Variants in IQGAP2 observed in about 807,000 individuals in gnomAD.
IQGAP2 encodes ras GTPase-activating-like protein IQGAP2.
Under a neutral mutation model 201.3 loss-of-function variants are expected in IQGAP2, and 173 were observed. The ratio of observed to expected loss-of-function variants is 0.86; its 90% confidence interval spans 0.76 to 0.98. The LOEUF (loss-of-function observed/expected upper bound fraction) is 0.98. Among genes scored for constraint, IQGAP2 ranks in the 50% least tolerant of loss-of-function variants. The pLI, the probability that IQGAP2 is intolerant of heterozygous loss-of-function variation, is 0.00. For missense variants in IQGAP2, 1,687 were observed against 1,864.8 expected (o/e 0.90, Z 1.76); for synonymous variants, 675 against 673.9 (o/e 1.00, Z -0.03).
chr5:76,590,299 A>C (rs1746555727), intron 7 of IQGAP2, 109 bp from the exon 8 acceptor site: 1 of 819,086 alleles, frequency 1.2e-6, no homozygotes, highest in African/African-American at 1.7e-5. Flanking sequence ...TATTTACTGG[A>C]AGCCAAGAAA....
chr5:76,581,274 C>T (rs1745832502), intron 5 of IQGAP2, among the ~76,000 whole-genome samples: 2 of 152,218 alleles, frequency 1.3e-5, no homozygotes, highest in Non-Finnish European at 2.9e-5. Flanking sequence ...CCTTTTCCTT[C>T]CCTAAGAAAC....
At chr5:76,484,611 C>G (rs1755999253) in intron 2 of IQGAP2, among the ~76,000 whole-genome samples, 1 of 151,960 alleles carries the variant, frequency 6.6e-6, no homozygotes, top group South Asian at 2.1e-4. Context: ...ATGTAACAAA[C>G]CTGCACGTTG....
Position 76,641,108 on chromosome 5 carries a change from G to A in IQGAP2, c.2094+5G>A, listed in dbSNP as rs771375674. The A allele has an allele frequency of 2.7e-5, 43 of 1,587,788 alleles. No homozygotes were observed. The highest frequency in any genetic ancestry group is 2.1e-5 in the Non-Finnish European group (24 of 1,159,794). On this transcript the variant is annotated splice_donor_5th_base_variant and intron_variant, in intron 17 of 35. Coordinates refer to ENST00000274364, the MANE Select transcript of IQGAP2 (RefSeq NM_006633.5). ...GAGAATGTGGTCAAAATACAGGTAT[G>A]TGGATCACCTGCCACTGTTTACACA...
chr5:76,706,370 CAG>C (rs751915305), intron 35 of IQGAP2, among the ~76,000 whole-genome samples: 7 of 151,830 alleles, frequency 4.6e-5, no homozygotes, highest in South Asian at 4.2e-4. Context: ...TTTTTTGAGA[CAG>C]AGTCTTTCTC....
At chr5:76,469,595 G>T (rs1754995758) in intron 2 of IQGAP2, among the ~76,000 whole-genome samples, 1 of 152,062 alleles carries the variant, frequency 6.6e-6, no homozygotes. Flanking sequence ...GTAGAGACAG[G>T]ATCTCACCAT....
At chr5:76,701,435 AAT>A (rs1304821660) in intron 34 of IQGAP2, among the ~76,000 whole-genome samples, 3 of 152,232 alleles carry the variant, frequency 2.0e-5, no homozygotes, top group Admixed American at 2.0e-4. Flanking sequence ...TGGCTTGTGC[AAT>A]ATGTTTGGAT....
intron 2 of IQGAP2, among the ~76,000 whole-genome samples, chr5:76,551,479 G>A (rs376725013): frequency 4.1e-4 from 63 of 152,148 alleles, no homozygotes; most frequent in African/African-American, 1.5e-3. Context: ...CTGCAATCTC[G>A]GCACTTTGGG....
intron 8 of IQGAP2, among the ~76,000 whole-genome samples, chr5:76,590,982 A>G (rs1333278456): frequency 1.3e-5 from 2 of 152,112 alleles, no homozygotes; most frequent in Non-Finnish European, 2.9e-5. Flanking sequence ...CTGTAGTCCC[A>G]ACTACTCGGG....
intron 4 of IQGAP2, among the ~76,000 whole-genome samples, chr5:76,574,261 T>G (rs1177641998): frequency 6.6e-6 from 1 of 152,202 alleles, no homozygotes; most frequent in African/African-American, 2.4e-5. Flanking sequence ...CAGAGAAGTT[T>G]GGTGCCTCAC....
At chr5:76,702,222 G>T (rs1747466924) in intron 34 of IQGAP2, among the ~76,000 whole-genome samples, 1 of 152,146 alleles carries the variant, frequency 6.6e-6, no homozygotes, top group African/African-American at 2.4e-5. Context: ...GAAGAGCAAG[G>T]ACCGTATCTT....
In IQGAP2 at chr5:76,690,870, G is replaced by A. The variant is rs117055978; in HGVS notation, c.3906-2485G>A. ...TCAAGTGCCACCTGTGGCCAGTGGC[G>A]GCCATCATGGGCAGCACAGCTTTAA... On this transcript the variant is annotated intron_variant, in intron 30 of 35. Transcript: ENST00000274364. 1.6e-4 allele frequency among the ~76,000 whole-genome samples: 24 copies of A among 152,232 alleles called. No individual in the cohort carries two copies. In the East Asian group the frequency reaches 1.9e-3, roughly 12 times the overall value.
At chr5:76,587,686 C>G (rs1021366739) in intron 5 of IQGAP2, among the ~76,000 whole-genome samples, 1 of 152,060 alleles carries the variant, frequency 6.6e-6, no homozygotes. Flanking sequence ...GACACGATGG[C>G]TCATGCCTAT....
intron 10 of IQGAP2, among the ~76,000 whole-genome samples, chr5:76,599,432 A>C (rs957147058): frequency 6.6e-6 from 1 of 151,998 alleles, no homozygotes; most frequent in Non-Finnish European, 1.5e-5. Context: ...GTCCAACCTC[A>C]TTTCTTCTTC....
chr5:76,451,181 A>G (rs555184719), intron 1 of IQGAP2, among the ~76,000 whole-genome samples: 65 of 152,310 alleles, frequency 4.3e-4, no homozygotes, highest in African/African-American at 1.4e-3. Context: ...GTGCCAAGCC[A>G]TGGCTTGTTT....
intron 2 of IQGAP2, among the ~76,000 whole-genome samples, chr5:76,534,890 C>T (rs1034688011): frequency 4.6e-5 from 7 of 152,178 alleles, no homozygotes; most frequent in African/African-American, 9.7e-5. Context: ...GAAATTAAAA[C>T]CAATAATGAC....
At position 76,701,311 on chromosome 5, in the gene IQGAP2, T is replaced by C. The variant is rs761247300; in HGVS notation, c.4505+98T>C. ...TTGGTCTAGCAAGGCTTAACCTCAA[T>C]TACTGATGGGTGACAAGGGAAGAAT... On this transcript the variant is annotated intron_variant, in intron 34 of 35. Transcript: ENST00000274364. 41 of 1,099,718 alleles carry C rather than the reference T, an allele frequency of 3.7e-5. No homozygotes were observed. In the Middle Eastern group the frequency reaches 1.2e-3, roughly 33 times the overall value. The allele number at this position is 1,099,718 out of a possible 1,614,324, so 68.1% of individuals were successfully genotyped here. A position where few individuals can be genotyped will look rare whatever the true frequency, so the allele number is the denominator to read the frequency against.
At chr5:76,525,444 G>C (rs554539155) in intron 2 of IQGAP2, among the ~76,000 whole-genome samples, 2 of 152,230 alleles carry the variant, frequency 1.3e-5, no homozygotes, top group East Asian at 3.9e-4. Context: ...AGTTGATTTA[G>C]TGGTTGAATT....
At chr5:76,453,002 C>T (rs147428793) in intron 1 of IQGAP2, among the ~76,000 whole-genome samples, 1,537 of 151,262 alleles carry the variant, frequency 0.01, 16 homozygotes, top group South Asian at 0.019. Flanking sequence ...CCTCCGCCTC[C>T]CAGGTCCCAG....
chr5:76,637,609 T>G (rs936629575), intron 16 of IQGAP2, among the ~76,000 whole-genome samples: 1 of 152,234 alleles, frequency 6.6e-6, no homozygotes, highest in Non-Finnish European at 1.5e-5. Flanking sequence ...AGAGGGCATC[T>G]CTGCCACACA....
Sources: gnomAD v4.1 joint callset for allele counts (sites outside exome capture counted in the v4.1 genomes callset) on GRCh38, gnomAD v4.1.1 for gene constraint, MANE v1.5 for transcripts, NCBI Gene and HGNC (gene_info 2026-07-23, HGNC 2026-07-21) for gene names.